Variants in SHISA9 observed in about 807,000 individuals in gnomAD.
SHISA9 encodes shisa family member 9, also known as protein shisa-9.
In SHISA9, 13 loss-of-function variants were observed where a neutral mutation model predicts 38.0. That is an observed-to-expected ratio of 0.34 (90% CI 0.22 to 0.54). The LOEUF (loss-of-function observed/expected upper bound fraction) is 0.54, where lower values mean the gene tolerates loss of function less well. SHISA9 is among the 20% of genes least tolerant of loss of function. SHISA9 has a pLI of 0.91. For missense variants in SHISA9, 538 were observed against 575.8 expected (o/e 0.93, Z 0.67); for synonymous variants, 275 against 242.0 (o/e 1.14, Z -1.27).
At chr16:13,400,363 AACACACAC>A in the SHISA9 span, among the ~76,000 whole-genome samples, 17 of 150,920 alleles carry the variant, frequency 1.1e-4, no homozygotes, top group African/African-American at 3.4e-4. Context: ...CCTCTGTTCC[AACACACAC>A]ACACACACAC....
At chr16:13,120,699 C>A (rs985611678) in intron 2 of SHISA9, among the ~76,000 whole-genome samples, 4 of 152,072 alleles carry the variant, frequency 2.6e-5, no homozygotes, top group African/African-American at 9.7e-5. Flanking sequence ...ATGCCCCGAG[C>A]TGTGGGAAGG....
chr16:13,001,566 T>C (rs1355311688), intron 2 of SHISA9, among the ~76,000 whole-genome samples: 2 of 152,222 alleles, frequency 1.3e-5, no homozygotes, highest in Non-Finnish European at 1.5e-5. Context: ...GGAACGGGGA[T>C]GCAGATTGAC....
At chr16:13,070,003 T>A (rs1455360245) in intron 2 of SHISA9, among the ~76,000 whole-genome samples, 1 of 152,030 alleles carries the variant, frequency 6.6e-6, no homozygotes, top group Non-Finnish European at 1.5e-5. Context: ...GCTCTGGTGT[T>A]TTGTCGTAGC....
the SHISA9 span, among the ~76,000 whole-genome samples, chr16:13,275,884 A>G: frequency 6.6e-6 from 1 of 151,928 alleles, no homozygotes; most frequent in East Asian, 1.9e-4. Flanking sequence ...CTAGGTCTTC[A>G]TCAATTCTGT....
intron 4 of SHISA9, among the ~76,000 whole-genome samples, chr16:13,213,518 C>G (rs116287171): frequency 6.6e-6 from 1 of 152,068 alleles, no homozygotes; most frequent in East Asian, 1.9e-4. Flanking sequence ...TGGTAGCCCT[C>G]ACTTCCCAAT....
the SHISA9 span, among the ~76,000 whole-genome samples, chr16:13,319,665 A>G: frequency 2.2e-4 from 34 of 152,006 alleles, no homozygotes; most frequent in African/African-American, 8.0e-4. Flanking sequence ...ATCTGATGTA[A>G]TCCCTCCTTT....
the SHISA9 span, among the ~76,000 whole-genome samples, chr16:13,486,466 G>C: frequency 7.9e-5 from 12 of 152,084 alleles, no homozygotes; most frequent in Admixed American, 3.9e-4. Flanking sequence ...GCATCCAGGT[G>C]GCAGACTGAC....
the SHISA9 span, among the ~76,000 whole-genome samples, chr16:13,293,089 G>C: frequency 6.6e-6 from 1 of 152,084 alleles, no homozygotes; most frequent in African/African-American, 2.4e-5. Flanking sequence ...CAATCAATGA[G>C]ACAAACAGAT....
chr16:13,383,993 T>A, the SHISA9 span, among the ~76,000 whole-genome samples: 1 of 152,188 alleles, frequency 6.6e-6, no homozygotes, highest in Non-Finnish European at 1.5e-5. Context: ...ATTTTGACTT[T>A]GATTTTTTTA....
At chr16:13,230,728 GA>G (rs2051323910) in intron 4 of SHISA9, among the ~76,000 whole-genome samples, 1 of 152,156 alleles carries the variant, frequency 6.6e-6, no homozygotes, top group South Asian at 2.1e-4. Flanking sequence ...AGGAATAAAA[GA>G]ATGGTTACTC....
At chr16:13,513,243 A>C in the SHISA9 span, among the ~76,000 whole-genome samples, 2 of 152,254 alleles carry the variant, frequency 1.3e-5, no homozygotes, top group African/African-American at 4.8e-5. Context: ...TGCAGCCAAC[A>C]AACATATGAG....
At chr16:13,130,993 G>T (rs2050301547) in intron 2 of SHISA9, among the ~76,000 whole-genome samples, 1 of 152,154 alleles carries the variant, frequency 6.6e-6, no homozygotes, top group South Asian at 2.1e-4. Context: ...GGAGAAAAAG[G>T]AATGCTTTTA....
At chr16:13,029,874 A>T (rs1016714466) in intron 2 of SHISA9, among the ~76,000 whole-genome samples, 16 of 152,336 alleles carry the variant, frequency 1.1e-4, no homozygotes, top group Admixed American at 9.8e-4. Context: ...TGGGAGCCAG[A>T]GGCCTAGAGG....
chr16:13,151,128 A>T (rs562252354), intron 2 of SHISA9, among the ~76,000 whole-genome samples: 1 of 152,084 alleles, frequency 6.6e-6, no homozygotes, highest in African/African-American at 2.4e-5. Context: ...TTTATTTTAG[A>T]TGGAGTCTTG....
intron 2 of SHISA9, chr16:13,197,535 T>C (rs2050958819): frequency 1.4e-5 from 2 of 147,600 alleles, no homozygotes; most frequent in Non-Finnish European, 1.5e-5. Context: ...GCCAGATGCT[T>C]CCAATGAGTA....
At chr16:13,525,804 C>T in the SHISA9 span, among the ~76,000 whole-genome samples, 1 of 152,134 alleles carries the variant, frequency 6.6e-6, no homozygotes, top group Non-Finnish European at 1.5e-5. Flanking sequence ...GTTCACGTTC[C>T]ACACTTTGGA....
the SHISA9 span, among the ~76,000 whole-genome samples, chr16:13,282,416 C>A: frequency 1.3e-5 from 2 of 151,888 alleles, no homozygotes; most frequent in African/African-American, 4.8e-5. Context: ...TATTTTCCTA[C>A]TTTAAAGATT....
chr16:13,023,288 T>C (rs962776647), intron 2 of SHISA9, among the ~76,000 whole-genome samples: 3 of 152,192 alleles, frequency 2.0e-5, no homozygotes, highest in Non-Finnish European at 2.9e-5. Flanking sequence ...TCTGTCCTTA[T>C]GATAATTTGC....
intron 1 of SHISA9, among the ~76,000 whole-genome samples, chr16:12,907,116 T>C (rs1451216866): frequency 6.7e-5 from 6 of 89,044 alleles, no homozygotes; most frequent in Non-Finnish European, 9.4e-5. Flanking sequence ...TTCCTTCCTC[T>C]CTTCCTTTCT....
Sources: gnomAD v4.1 joint callset for allele counts (sites outside exome capture counted in the v4.1 genomes callset) on GRCh38, gnomAD v4.1.1 for gene constraint, MANE v1.5 for transcripts, NCBI Gene and HGNC (gene_info 2026-07-23, HGNC 2026-07-21) for gene names.